Variants in EPHA6 observed in about 807,000 individuals in gnomAD.
EPHA6 encodes the protein ephrin type-A receptor 6.
Under a neutral mutation model 112.0 loss-of-function variants are expected in EPHA6, and 50 were observed. The observed-to-expected ratio is 0.45, with a 90% CI of 0.36 to 0.56. EPHA6 has a LOEUF of 0.56. Ranked by LOEUF, EPHA6 falls within the 20% of genes least tolerant of loss-of-function variation. The pLI is 0.00. For synonymous variants in EPHA6, 529 were observed against 490.7 expected (o/e 1.08, Z -1.03); for missense variants, 1,280 against 1,417.4 (o/e 0.90, Z 1.56).
At chr3:97,639,670 AT>A (rs1435690432) in intron 14 of EPHA6, among the ~76,000 whole-genome samples, 1 of 152,186 alleles carries the variant, frequency 6.6e-6, no homozygotes, top group Non-Finnish European at 1.5e-5. Context: ...TACTCATGAA[AT>A]TGGCAGATAA....
At chr3:97,589,685 A>G (rs1324633063) in intron 11 of EPHA6, among the ~76,000 whole-genome samples, 1 of 152,194 alleles carries the variant, frequency 6.6e-6, no homozygotes, top group Non-Finnish European at 1.5e-5. Flanking sequence ...GAGAATCGAA[A>G]TCAGAGTTTT....
intron 2 of EPHA6, among the ~76,000 whole-genome samples, chr3:96,970,466 G>C (rs896438013): frequency 2.6e-5 from 4 of 152,034 alleles, no homozygotes; most frequent in African/African-American, 7.2e-5. Context: ...GCTATGGCTA[G>C]GTTAGGAGAT....
intron 3 of EPHA6, among the ~76,000 whole-genome samples, chr3:97,065,055 T>G (rs6438922): frequency 6.6e-6 from 1 of 151,988 alleles, no homozygotes; most frequent in Non-Finnish European, 1.5e-5. Flanking sequence ...AAAATATATA[T>G]CTGCTATGAA....
chr3:96,817,927 A>G (rs1221997787), intron 1 of EPHA6, among the ~76,000 whole-genome samples: 1 of 151,938 alleles, frequency 6.6e-6, no homozygotes, highest in African/African-American at 2.4e-5. Flanking sequence ...TAAAGATGAA[A>G]TAAATCAATT....
chr3:97,178,863 T>G (rs9854351), intron 3 of EPHA6, among the ~76,000 whole-genome samples: 35,891 of 152,042 alleles, frequency 0.24, 4,802 homozygotes, highest in African/African-American at 0.35. Flanking sequence ...ATGACCTTCT[T>G]GTATTTGGAT....
chr3:97,590,930 C>A (rs781605932), intron 11 of EPHA6, among the ~76,000 whole-genome samples: 4 of 152,150 alleles, frequency 2.6e-5, no homozygotes, highest in Non-Finnish European at 5.9e-5. Flanking sequence ...AAACATTGCA[C>A]ACAGACACAT....
intron 2 of EPHA6, among the ~76,000 whole-genome samples, chr3:96,909,813 A>G (rs752049620): frequency 6.6e-6 from 1 of 151,846 alleles, no homozygotes; most frequent in Non-Finnish European, 1.5e-5. Context: ...TTGACCAGAA[A>G]CTCTGGACCA....
At chr3:96,998,778 A>G (rs935275842) in intron 3 of EPHA6, among the ~76,000 whole-genome samples, 6 of 151,834 alleles carry the variant, frequency 4.0e-5, no homozygotes, top group African/African-American at 7.2e-5. Context: ...AGAGAGAAAG[A>G]TTGCTTTCTT....
At chr3:97,150,195 G>C (rs549594171) in intron 3 of EPHA6, among the ~76,000 whole-genome samples, 1 of 152,138 alleles carries the variant, frequency 6.6e-6, no homozygotes, top group African/African-American at 2.4e-5. Context: ...ACAGAAACCT[G>C]CCATGAATAC....
chr3:97,498,003 C>G (rs1464448151), intron 10 of EPHA6, among the ~76,000 whole-genome samples: 1 of 151,928 alleles, frequency 6.6e-6, no homozygotes, highest in East Asian at 1.9e-4. Context: ...ACCAGAATGA[C>G]TGAGGTTAAA....
chr3:96,971,848 A>T (rs1016809905), intron 2 of EPHA6, among the ~76,000 whole-genome samples: 7 of 152,088 alleles, frequency 4.6e-5, no homozygotes, highest in Admixed American at 2.0e-4. Context: ...TCTTAGAATG[A>T]AGTTGAAGAT....
chr3:97,390,778 A>T (rs950104765), intron 5 of EPHA6, among the ~76,000 whole-genome samples: 8 of 152,020 alleles, frequency 5.3e-5, no homozygotes, highest in Non-Finnish European at 1.2e-4. Flanking sequence ...GGAAAAGGAG[A>T]TGACAGTTCA....
intron 5 of EPHA6, among the ~76,000 whole-genome samples, chr3:97,287,357 G>T (rs1576849336): frequency 6.6e-6 from 1 of 151,730 alleles, no homozygotes; most frequent in East Asian, 1.9e-4. Context: ...ATCTCTTCAT[G>T]ATAAAAAAAA....
chr3:97,521,371 G>C (rs1425754350), intron 10 of EPHA6, among the ~76,000 whole-genome samples: 1 of 152,008 alleles, frequency 6.6e-6, no homozygotes, highest in Non-Finnish European at 1.5e-5. Flanking sequence ...CTGAGACTGG[G>C]TAATTCATAA....
chr3:97,725,477 A>G (rs930653629), intron 15 of EPHA6, among the ~76,000 whole-genome samples: 2 of 152,136 alleles, frequency 1.3e-5, no homozygotes, highest in African/African-American at 2.4e-5. Flanking sequence ...CAGTTGTGCT[A>G]TCAGAAGGTG....
intron 14 of EPHA6, among the ~76,000 whole-genome samples, chr3:97,645,033 C>A (rs1438803102): frequency 6.6e-6 from 1 of 151,898 alleles, no homozygotes; most frequent in Admixed American, 6.6e-5. Flanking sequence ...ATGCAAAAAT[C>A]CTCAATAAAA....
At chr3:97,506,752 A>G (rs1436611775) in intron 10 of EPHA6, among the ~76,000 whole-genome samples, 1 of 152,224 alleles carries the variant, frequency 6.6e-6, no homozygotes, top group Non-Finnish European at 1.5e-5. Flanking sequence ...TCTATAAATT[A>G]CTTTGGGCAG....
chr3:96,994,709 G>GTGTGTATATA (rs1363786371), intron 3 of EPHA6, among the ~76,000 whole-genome samples: 6 of 98,440 alleles, frequency 6.1e-5, no homozygotes, highest in African/African-American at 3.2e-4. Context: ...GTGTGTGTGT[G>GTGTGTATATA]TATATATATA....
At chr3:97,740,454 T>C (rs961965772) in intron 16 of EPHA6, among the ~76,000 whole-genome samples, 1 of 152,134 alleles carries the variant, frequency 6.6e-6, no homozygotes, top group Non-Finnish European at 1.5e-5. Flanking sequence ...AATAATGCTT[T>C]GCCTAGGCCA....
Sources: gnomAD v4.1 joint callset for allele counts (sites outside exome capture counted in the v4.1 genomes callset) on GRCh38, gnomAD v4.1.1 for gene constraint, MANE v1.5 for transcripts, NCBI Gene and HGNC (gene_info 2026-07-23, HGNC 2026-07-21) for gene names.